Variants in POU4F3 observed in about 807,000 individuals in gnomAD.
POU4F3 encodes the protein POU class 4 homeobox 3.
A neutral mutation model predicts 22.0 loss-of-function variants in POU4F3; 7 were observed. The ratio of observed to expected loss-of-function variants is 0.32; its 90% CI spans 0.18 to 0.60. The LOEUF is 0.60. Ranked by LOEUF, POU4F3 falls within the 20% of genes least tolerant of loss-of-function variation. POU4F3 has a pLI of 0.85. For missense variants in POU4F3, 457 were observed against 467.4 expected (o/e 0.98, Z 0.21); for synonymous variants, 220 against 194.5 (o/e 1.13, Z -1.09).
Position 146,340,590 on chromosome 5 carries a change from G to T in POU4F3, c.*146G>T. ...GCCACAGACTTTCCCCCTTTGTCCC[G>T]CCTGGTTGCCTCCGGCCTTCTCTCT... On this transcript the variant is annotated 3_prime_UTR_variant, in exon 2 of 2. Coordinates refer to ENST00000646991, the MANE Select transcript of POU4F3 (RefSeq NM_002700.3). 9.0e-7 allele frequency: 1 copy of T among 1,117,262 alleles called. No individual in the cohort carries two copies. The highest frequency in any genetic ancestry group is 1.3e-6 in the Non-Finnish European group (1 of 773,566). 69.2% of individuals were successfully genotyped at this position (1,117,262 alleles called of 1,614,324 possible).
Position 146,339,182 on chromosome 5 carries a change from C to T in POU4F3, c.70C>T (p.Leu24=), listed in dbSNP as rs142405319. The part of the protein sequence containing the change: ...PVLQEPKFSS[L]HSGSEAMRRV... Reference sequence around the variant, plus strand: ...GCTGCAAGAACCCAAATTCTCCAGTCTGCACTCTGGCTCCGAGGCCATGCG... The same window carrying T: ...GCTGCAAGAACCCAAATTCTCCAGTTTGCACTCTGGCTCCGAGGCCATGCG... The change falls in exon 1 of 2, where the codon CTG becomes TTG. Residue 24 remains leucine, a synonymous_variant. Coordinates refer to ENST00000646991, the MANE Select transcript of POU4F3 (RefSeq NM_002700.3). This position sits in a 1 kb window ranked among gnomAD's most constrained non-coding sequence, Gnocchi z 4.7. 1.3e-5 allele frequency: 21 copies of T among 1,614,146 alleles called. No homozygotes were observed. In the African/African-American group the frequency reaches 2.4e-4, roughly 18 times the overall value.
Position 146,340,444 on chromosome 5 carries a change from A to G in POU4F3, c.1017A>G (p.Ter339TrpextTer13). 6.2e-7 allele frequency: 1 copy of G among 1,613,998 alleles called. No individual in the cohort carries two copies. Residue 339 changes from the stop codon to tryptophan, a stop_lost, in exon 2 of 2, where the codon TGA becomes TGG. Coordinates refer to ENST00000646991, the MANE Select transcript of POU4F3 (RefSeq NM_002700.3). ...GAATGAAGTATTCGGCTGTCCACTG[A>G]TTGCGGCAGGGCGCAGCGTCGGGAG... ...QKRMKYSAVH[*>W]
rs1760416863 is a variant in POU4F3, at chr5:146,339,487, G to C, written c.121-61G>C. ...AGGCATCTCGGTTGCTTGAAAATGT[G>C]TTTTAATCCTGTGTTGACAGTATTC... On this transcript the variant is annotated intron_variant, in intron 1 of 1. Transcript: ENST00000646991. The surrounding 1 kb of genome is among the most constrained non-coding windows in gnomAD (Gnocchi z 4.7). 1 of 1,605,360 alleles carries C rather than the reference G, an allele frequency of 6.2e-7. No homozygotes were observed. Among genetic ancestry groups the C allele is most frequent in the East Asian group, 2.2e-5 (1 of 44,818 alleles).
In POU4F3 at chr5:146,340,465, G is replaced by C. The variant is rs563377021; in HGVS notation, c.*21G>C. The C allele has an allele frequency of 5.1e-5, 83 of 1,613,260 alleles. No homozygotes were observed. The highest frequency in any genetic ancestry group is 1.2e-5 in the Non-Finnish European group (14 of 1,180,010). ...ACTGATTGCGGCAGGGCGCAGCGTC[G>C]GGAGCCGGGAGAGCCTAGTGCTCAT... On this transcript the variant is annotated 3_prime_UTR_variant, in exon 2 of 2. Coordinates refer to ENST00000646991, the MANE Select transcript of POU4F3 (RefSeq NM_002700.3).
In POU4F3 at chr5:146,339,466, A is replaced by G. The variant is rs1297761172; in HGVS notation, c.121-82A>G. On this transcript the variant is annotated intron_variant, in intron 1 of 1. Transcript: ENST00000646991. The surrounding 1 kb of genome is among the most constrained non-coding windows in gnomAD (Gnocchi z 4.7). ...TATGACCTGGGCTTTGAGGAGAGGC[A>G]TCTCGGTTGCTTGAAAATGTGTTTT... is the stretch of plus-strand genomic sequence containing the variant. 7 of 1,576,618 alleles carry G rather than the reference A, an allele frequency of 4.4e-6. No individual in the cohort carries two copies. In the East Asian group the frequency reaches 1.6e-4, roughly 35 times the overall value.
rs751097046 is a variant in POU4F3, at chr5:146,340,210, G to C, written c.783G>C (p.Glu261Asp). 1.2e-6 allele frequency: 2 copies of C among 1,614,192 alleles called. No individual in the cohort carries two copies. Among genetic ancestry groups the C allele is most frequent in the Non-Finnish European group, 1.7e-6 (2 of 1,180,024 alleles). The change falls in exon 2 of 2, where the codon GAG becomes GAC. Residue 261 changes from glutamate to aspartate, a missense_variant. This residue lies in a region of POU4F3 where 410 missense variants were observed against 385.0 expected (regional missense o/e 1.06). Transcript: ENST00000646991. Reference protein sequence around the residue: ...WLEEAEAAYREKNSKPELFNG... With the variant: ...WLEEAEAAYRDKNSKPELFNG... ...AGGAGGCCGAGGCCGCCTACCGAGAGAAGAACAGCAAGCCAGAGCTCTTCA... is the reference window on the plus strand; with the variant it reads ...AGGAGGCCGAGGCCGCCTACCGAGACAAGAACAGCAAGCCAGAGCTCTTCA...
In POU4F3 at chr5:146,339,370, G is replaced by T. The variant is rs1013367264; in HGVS notation, c.120+138G>T. ...TCTCCCCCGCGTTCTCTCCCGGCGC[G>T]CTCTCTCTCTCATTCATGTCTCTGA... On this transcript the variant is annotated intron_variant, in intron 1 of 1. Coordinates refer to ENST00000646991, the MANE Select transcript of POU4F3 (RefSeq NM_002700.3). This position sits in a 1 kb window ranked among gnomAD's most constrained non-coding sequence, Gnocchi z 4.7. 10 of 1,503,790 alleles carry T rather than the reference G, an allele frequency of 6.6e-6. No individual in the cohort carries two copies. In the South Asian group the frequency reaches 9.2e-5, roughly 14 times the overall value. The allele number at this position is 1,503,790 out of a possible 1,614,324, so 93.2% of individuals were successfully genotyped here.
In POU4F3 at chr5:146,339,450, G is replaced by C; in HGVS notation, c.121-98G>C. 2.6e-6 allele frequency: 4 copies of C among 1,541,432 alleles called. No individual in the cohort carries two copies. The highest frequency in any genetic ancestry group is 3.6e-6 in the Non-Finnish European group (4 of 1,120,446). On this transcript the variant is annotated intron_variant, in intron 1 of 1. Transcript: ENST00000646991. This position sits in a 1 kb window ranked among gnomAD's most constrained non-coding sequence, Gnocchi z 4.7. ...CCTCCGTATTAATTTTTATGACCTGGGCTTTGAGGAGAGGCATCTCGGTTG... is the reference window on the plus strand; with the variant it reads ...CCTCCGTATTAATTTTTATGACCTGCGCTTTGAGGAGAGGCATCTCGGTTG...
chr5:146,339,143 G>T lies in POU4F3; in HGVS notation c.31G>T (p.Gly11Cys), dbSNP rs745807519. ...GGCCATGAACTCCAAGCAGCCTTTC[G>T]GCATGCACCCGGTGCTGCAAGAACC... is the stretch of plus-strand genomic sequence containing the variant. MMAMNSKQPF[G>C]MHPVLQEPKF... The change falls in exon 1 of 2, where the codon GGC (glycine) becomes TGC (cysteine). Residue 11 changes from glycine to cysteine, a missense_variant. By Grantham distance (159) the Gly-to-Cys change is radical. This residue lies in a region of POU4F3 where 410 missense variants were observed against 385.0 expected (regional missense o/e 1.06). Coordinates refer to ENST00000646991, the MANE Select transcript of POU4F3 (RefSeq NM_002700.3). The surrounding 1 kb of genome is among the most constrained non-coding windows in gnomAD (Gnocchi z 4.7). The T allele has an allele frequency of 5.6e-6, 9 of 1,614,182 alleles. No individual in the cohort carries two copies. Among genetic ancestry groups the T allele is most frequent in the Non-Finnish European group, 7.6e-6 (9 of 1,180,026 alleles).
rs957090129 is a variant in POU4F3 at position 146,341,595 on chromosome 5, T to G, written c.*1151T>G. 1.3e-5 allele frequency: 2 copies of G among 152,228 alleles called. No individual in the cohort carries two copies. Among genetic ancestry groups the G allele is most frequent in the African/African-American group, 2.4e-5 (1 of 41,448 alleles). 9.4% of individuals were successfully genotyped at this position (152,228 alleles called of 1,614,324 possible). ...AAATTTTATTTTATTTTTTCGTTGT[T>G]TCATGTAGTTTGTGTGTTGCTGTGT... is the stretch of plus-strand genomic sequence containing the variant. On this transcript the variant is annotated 3_prime_UTR_variant, in exon 2 of 2. Transcript: ENST00000646991.
chr5:146,338,857 C>A lies in POU4F3; in HGVS notation c.-256C>A. The A allele has an allele frequency of 3.2e-6, 2 of 626,032 alleles. No homozygotes were observed. Among genetic ancestry groups the A allele is most frequent in the Non-Finnish European group, 5.6e-6 (2 of 360,224 alleles). The allele number at this position is 626,032 out of a possible 1,614,324, so 38.8% of individuals were successfully genotyped here. A position where few individuals can be genotyped will look rare whatever the true frequency, so the allele number is the denominator to read the frequency against. The stretch of plus-strand genomic sequence containing the variant: ...CCGCCGCGGGCGCAGAAAGGCGCGC[C>A]GCTAGCTGCTGTCTCTCCTCACCTC... On this transcript the variant is annotated 5_prime_UTR_variant, in exon 1 of 2. Transcript: ENST00000646991.
rs1431517443 is a variant in POU4F3 at position 146,340,538 on chromosome 5, T to C, written c.*94T>C. On this transcript the variant is annotated 3_prime_UTR_variant, in exon 2 of 2. Coordinates refer to ENST00000646991, the MANE Select transcript of POU4F3 (RefSeq NM_002700.3). ...TTATCGGGAACTCCAAGGCGTTTCC[T>C]AGGCAGGTTAGGCTCTCTCCTCCGA... 6 of 1,480,358 alleles carry C rather than the reference T, an allele frequency of 4.1e-6. No individual in the cohort carries two copies. In the African/African-American group the frequency reaches 5.5e-5, roughly 14 times the overall value. 91.7% of individuals were successfully genotyped at this position (1,480,358 alleles called of 1,614,324 possible). A position where few individuals can be genotyped will look rare whatever the true frequency, so the allele number is the denominator to read the frequency against.
At position 146,340,923 on chromosome 5, in the gene POU4F3, G is replaced by A. The variant is rs1368238258; in HGVS notation, c.*479G>A. ...AAACATGCACTGGAGATTTATTAGA[G>A]TATATAAAATACATGTATGTTTCCA... On this transcript the variant is annotated 3_prime_UTR_variant, in exon 2 of 2. Coordinates refer to ENST00000646991, the MANE Select transcript of POU4F3 (RefSeq NM_002700.3). 1 of 230,910 alleles carries A rather than the reference G, an allele frequency of 4.3e-6. No homozygotes were observed. Among genetic ancestry groups the A allele is most frequent in the Non-Finnish European group, 8.6e-6 (1 of 115,662 alleles). 14.3% of individuals were successfully genotyped at this position (230,910 alleles called of 1,614,324 possible).
In POU4F3 at chr5:146,340,000, C is replaced by G. The variant is rs534298549; in HGVS notation, c.573C>G (p.Ala191=). Residue 191 remains alanine, a synonymous_variant, in exon 2 of 2, where the codon GCC becomes GCG. Coordinates refer to ENST00000646991, the MANE Select transcript of POU4F3 (RefSeq NM_002700.3). The surrounding 1 kb of genome is among the most constrained non-coding windows in gnomAD (Gnocchi z 4.7). ...ACCCGCGCGAGCTGGAAGCCTTCGCCGAGCGCTTCAAGCAGCGGCGCATCA... is the reference window on the plus strand; with the variant it reads ...ACCCGCGCGAGCTGGAAGCCTTCGCGGAGCGCTTCAAGCAGCGGCGCATCA... ...ESDPRELEAF[A]ERFKQRRIKL... The G allele has an allele frequency of 5.6e-6, 9 of 1,613,410 alleles. No homozygotes were observed. Among genetic ancestry groups the G allele is most frequent in the Admixed American group, 3.3e-5 (2 of 60,008 alleles).
In POU4F3 at chr5:146,339,685, G is replaced by A. The variant is rs1477528465; in HGVS notation, c.258G>A (p.Val86=). 1 of 1,614,220 alleles carries A rather than the reference G, an allele frequency of 6.2e-7. No individual in the cohort carries two copies. The highest frequency in any genetic ancestry group is 2.2e-5 in the East Asian group (1 of 44,876). ...CCACCTACCATACCATGAGCAGCGT[G>A]CCCTGCACGTCCACTTCGTCCACCG... ...PDATYHTMSS[V]PCTSTSSTVP... Residue 86 remains valine (V), a synonymous_variant, in exon 2 of 2, where the codon GTG becomes GTA. Coordinates refer to ENST00000646991, the MANE Select transcript of POU4F3 (RefSeq NM_002700.3). The surrounding 1 kb of genome is among the most constrained non-coding windows in gnomAD (Gnocchi z 4.7).
Position 146,340,138 on chromosome 5 carries a change from G to C in POU4F3, c.711G>C (p.Ser237=), listed in dbSNP as rs1259986745. The C allele has an allele frequency of 1.2e-6, 2 of 1,614,120 alleles. No individual in the cohort carries two copies. Among genetic ancestry groups the C allele is most frequent in the East Asian group, 2.2e-5 (1 of 44,852 alleles). Residue 237 remains serine, a synonymous_variant, in exon 2 of 2, where the codon TCG becomes TCC. Transcript: ENST00000646991. The part of the protein sequence containing the change: ...TICRFESLTL[S]HNNMIALKPV... ...GCAGGTTCGAGTCTCTCACTCTCTC[G>C]CACAACAACATGATCGCTCTCAAGC...
chr5:146,340,348 C>T lies in POU4F3; in HGVS notation c.921C>T (p.Ile307=). 1.2e-6 allele frequency: 2 copies of T among 1,614,232 alleles called. No individual in the cohort carries two copies. Among genetic ancestry groups the T allele is most frequent in the Non-Finnish European group, 1.7e-6 (2 of 1,180,052 alleles). ...CTTCATCTGAGAAGATCGCGGCCAT[C>T]GCTGAGAAACTGGACCTTAAAAAGA... The part of the protein sequence containing the change: ...PRPSSEKIAA[I]AEKLDLKKNV... Residue 307 remains isoleucine (I), a synonymous_variant, in exon 2 of 2, where the codon ATC becomes ATT. Transcript: ENST00000646991.
At position 146,340,688 on chromosome 5, in the gene POU4F3, T is replaced by G; in HGVS notation, c.*244T>G. 1 of 571,766 alleles carries G rather than the reference T, an allele frequency of 1.7e-6. No individual in the cohort carries two copies. 35.4% of individuals were successfully genotyped at this position (571,766 alleles called of 1,614,324 possible). A position where few individuals can be genotyped will look rare whatever the true frequency, so the allele number is the denominator to read the frequency against. On this transcript the variant is annotated 3_prime_UTR_variant, in exon 2 of 2. Transcript: ENST00000646991. The stretch of plus-strand genomic sequence containing the variant: ...TGCAGAAGGGCGGGCCTGAGTGTAC[T>G]TGTGCTGTCCGTGGTGCTGAAATTT...
At position 146,339,019 on chromosome 5, in the gene POU4F3, G is replaced by T. The variant is rs980494247; in HGVS notation, c.-94G>T. ...CAGCGAGCGAGAGGGCGAGGGGAGC[G>T]CGGGCGCTGAGCAGCGCTCACTTGG... On this transcript the variant is annotated 5_prime_UTR_variant, in exon 1 of 2. Transcript: ENST00000646991. The surrounding 1 kb of genome is among the most constrained non-coding windows in gnomAD (Gnocchi z 4.7). The T allele has an allele frequency of 1.3e-6, 2 of 1,560,064 alleles. No individual in the cohort carries two copies. Among genetic ancestry groups the T allele is most frequent in the East Asian group, 2.4e-5 (1 of 42,468 alleles).
Sources: allele counts gnomAD v4.1 joint callset, GRCh38; gene constraint gnomAD v4.1.1; regional missense constraint gnomAD v4.1.1; non-coding constraint Gnocchi (gnomAD v3.1); transcripts MANE v1.5; gene names NCBI Gene and HGNC (gene_info 2026-07-23, HGNC 2026-07-21).